ANKRD18B: variants seen among roughly 807,000 people sequenced by gnomAD.
ANKRD18B encodes the protein ankyrin repeat domain-containing protein 18B.
In ANKRD18B, 75 loss-of-function variants were observed where a neutral mutation model predicts 111.8. The ratio of observed to expected loss-of-function variants is 0.67; its 90% confidence interval spans 0.56 to 0.81. The LOEUF (loss-of-function observed/expected upper bound fraction) is 0.81. Ranked by LOEUF, ANKRD18B falls within the 40% of genes least tolerant of loss-of-function variation. The probability of loss-of-function intolerance (pLI) is 0.00; values close to 1 mark genes in which losing one functional copy is unlikely to be tolerated. For synonymous variants in ANKRD18B, 356 were observed against 417.3 expected, an observed-to-expected ratio of 0.85 and a Z score of 1.79; for missense variants, 1,038 against 1,225.5, an observed-to-expected ratio of 0.85 and a Z score of 2.28.
At chr9:33,548,996 T>C (rs1403550055) in intron 11 of ANKRD18B, 141 bp downstream of exon 11, 7 of 956,900 alleles carry the variant, frequency 7.3e-6, no homozygotes, top group East Asian at 3.0e-5. Context: ...ACATGAATCA[T>C]CCAGGAAATA....
intron 11 of ANKRD18B, among the ~76,000 whole-genome samples, chr9:33,549,898 G>C (rs948740991): frequency 1.3e-5 from 2 of 152,098 alleles, no homozygotes; most frequent in African/African-American, 4.8e-5. Flanking sequence ...CTATCATTTG[G>C]ATATAATTCT....
intron 14 of ANKRD18B, among the ~76,000 whole-genome samples, chr9:33,565,912 T>G (rs1246408629): frequency 6.6e-6 from 1 of 152,186 alleles, no homozygotes; most frequent in Non-Finnish European, 1.5e-5. Flanking sequence ...TAGACACTTT[T>G]TACTAAGAGA....
At chr9:33,529,922 C>A (rs1308190513) in intron 3 of ANKRD18B, among the ~76,000 whole-genome samples, 3 of 152,166 alleles carry the variant, frequency 2.0e-5, no homozygotes, top group Non-Finnish European at 2.9e-5. Flanking sequence ...CCGGCAAAAA[C>A]AGCCACTTAG....
At position 33,528,754 on chromosome 9, in the gene ANKRD18B, T is replaced by C. The variant is rs1563898141; in HGVS notation, c.234T>C (p.His78=). The change falls in exon 2 of 19, where the codon CAT becomes CAC. Residue 78 remains histidine (H), a synonymous_variant. Coordinates refer to ENST00000684830, the MANE Select transcript of ANKRD18B (RefSeq NM_001393611.1). Reference sequence around the variant, plus strand: ...CTGTTCTACATTTGGCCTGTGCCCATGGCCGTGTGCAAGTGGTCACTCTCT... The same window carrying C: ...CTGTTCTACATTTGGCCTGTGCCCACGGCCGTGTGCAAGTGGTCACTCTCT... ...DRTVLHLACA[H]GRVQVVTLLL... is the part of the protein sequence containing the mutation. 1 of 1,613,200 alleles carries C rather than the reference T, an allele frequency of 6.2e-7. No individual in the cohort carries two copies. The highest frequency in any genetic ancestry group is 2.2e-5 in the East Asian group (1 of 44,884).
intron 18 of ANKRD18B, chr9:33,571,974 G>A (rs1327963157): frequency 4.5e-6 from 1 of 223,840 alleles, no homozygotes; most frequent in Non-Finnish European, 8.8e-6. Flanking sequence ...TGATATCTAT[G>A]ACTCTATATG....
At chr9:33,548,939 A>C (rs185782694) in intron 11 of ANKRD18B, 84 bp downstream of exon 11, 1 of 1,237,022 alleles carries the variant, frequency 8.1e-7, no homozygotes, top group East Asian at 2.7e-5. Flanking sequence ...GTTCAATATA[A>C]AAATAAATAG....
downstream of ANKRD18B, chr9:33,574,651 G>C (rs1828834610): frequency 6.5e-6 from 1 of 152,696 alleles, no homozygotes; most frequent in East Asian, 1.9e-4. Flanking sequence ...CCTGGGCCCT[G>C]GTGGTGACAG....
chr9:33,529,376 T>C (rs534407926), intron 3 of ANKRD18B, among the ~76,000 whole-genome samples: 5 of 152,336 alleles, frequency 3.3e-5, no homozygotes, highest in African/African-American at 9.6e-5. Flanking sequence ...ATGGGAAGTA[T>C]TTGTGAATTT....
chr9:33,543,220 G>A lies in ANKRD18B; in HGVS notation c.1114G>A (p.Glu372Lys), dbSNP rs758373930. Reference protein sequence around the residue: ...NLKVASEEKQERLERSENKQP... With the variant: ...NLKVASEEKQKRLERSENKQP... ...AAAAGTGGCTTCAGAGGAAAAGCAA[G>A]AAAGGCTTGAAAGAAGTGAAAATAA... Residue 372 changes from glutamate to lysine, a missense_variant, in exon 10 of 19, where the codon GAA becomes AAA. This residue lies in a region of ANKRD18B where 205 missense variants were observed against 201.3 expected (regional missense o/e 1.02). Coordinates refer to ENST00000684830, the MANE Select transcript of ANKRD18B (RefSeq NM_001393611.1). The A allele has an allele frequency of 4.5e-6, 7 of 1,552,752 alleles. No individual in the cohort carries two copies. In the East Asian group the frequency reaches 1.2e-4, roughly 27 times the overall value.
chr9:33,536,347 C>G (rs1371053133), intron 5 of ANKRD18B, among the ~76,000 whole-genome samples: 1 of 152,168 alleles, frequency 6.6e-6, no homozygotes, highest in Non-Finnish European at 1.5e-5. Flanking sequence ...CTGTGACATT[C>G]AAATATTAGA....
At chr9:33,559,460 C>A (rs1447049783) in intron 14 of ANKRD18B, among the ~76,000 whole-genome samples, 1 of 151,940 alleles carries the variant, frequency 6.6e-6, no homozygotes, top group Non-Finnish European at 1.5e-5. Context: ...AGAAAGTAAA[C>A]CACATTATAA....
intron 10 of ANKRD18B, among the ~76,000 whole-genome samples, chr9:33,546,973 A>G (rs1447351238): frequency 6.6e-6 from 1 of 152,098 alleles, no homozygotes; most frequent in Non-Finnish European, 1.5e-5. Context: ...TGGTTCCTCT[A>G]TTTCAGTGAG....
At chr9:33,543,536 G>A (rs1828311171) in intron 10 of ANKRD18B, among the ~76,000 whole-genome samples, 1 of 147,462 alleles carries the variant, frequency 6.8e-6, no homozygotes, top group Non-Finnish European at 1.5e-5. Flanking sequence ...GATAAAGAAG[G>A]TAACATCAAA....
chr9:33,566,317 A>T lies in ANKRD18B; in HGVS notation c.2559A>T (p.Gly853=). Residue 853 remains glycine (G), a synonymous_variant, in exon 15 of 19, where the codon GGA becomes GGT. Transcript: ENST00000684830. ...TTCATCAGGAGTTATTATCTATGGGAAAAGTACAAGAGAAATGTGAAAAAC... is the reference window on the plus strand; with the variant it reads ...TTCATCAGGAGTTATTATCTATGGGTAAAGTACAAGAGAAATGTGAAAAAC... The part of the protein sequence containing the change: ...EVLHQELLSM[G]KVQEKCEKLE... The T allele has an allele frequency of 6.4e-7, 1 of 1,563,346 alleles. No homozygotes were observed. Among genetic ancestry groups the T allele is most frequent in the Non-Finnish European group, 8.7e-7 (1 of 1,151,348 alleles).
At chr9:33,537,876 T>C (rs1454049749) in intron 6 of ANKRD18B, among the ~76,000 whole-genome samples, 1 of 152,202 alleles carries the variant, frequency 6.6e-6, no homozygotes, top group Non-Finnish European at 1.5e-5. Context: ...GAAGCTGTTA[T>C]AAAGAAAATC....
At chr9:33,566,576 G>A (rs1261917028) in intron 15 of ANKRD18B, 76 bp downstream of exon 15, 2 of 1,505,916 alleles carry the variant, frequency 1.3e-6, no homozygotes, top group Non-Finnish European at 8.9e-7. Flanking sequence ...TTTTGGATGT[G>A]TATATATTGT....
chr9:33,548,089 C>A lies in ANKRD18B; in HGVS notation c.1301C>A (p.Thr434Lys). The change falls in exon 11 of 19, where the codon ACA becomes AAA. Residue 434 changes from threonine to lysine, a missense_variant. By Grantham distance (78) the Thr-to-Lys change is moderately conservative. This residue lies in a region of ANKRD18B where 205 missense variants were observed against 201.3 expected (regional missense o/e 1.02). Transcript: ENST00000684830. ...KKYIQEIKSI[T>K]EINANFEKSV... is the part of the protein sequence containing the mutation. The stretch of plus-strand genomic sequence containing the variant: ...TATATTCAGGAAATTAAAAGTATTA[C>A]AGAAATAAATGCTAACTTTGAAAAG... The A allele has an allele frequency of 6.5e-7, 1 of 1,533,474 alleles. No individual in the cohort carries two copies. The highest frequency in any genetic ancestry group is 1.3e-5 in the South Asian group (1 of 78,934). 95.0% of individuals were successfully genotyped at this position (1,533,474 alleles called of 1,614,324 possible).
intron 13 of ANKRD18B, 92 bp from the exon 14 acceptor site, chr9:33,557,966 C>G (rs576848473): frequency 1.8e-5 from 22 of 1,196,342 alleles, no homozygotes; most frequent in Non-Finnish European, 2.5e-5. Context: ...AGATTTGTTT[C>G]TTTGATATGC....
Position 33,548,431 on chromosome 9 carries a change from A to G in ANKRD18B, c.1643A>G (p.His548Arg), listed in dbSNP as rs1251565053. The G allele has an allele frequency of 2.2e-5, 34 of 1,551,228 alleles. No homozygotes were observed. Among genetic ancestry groups the G allele is most frequent in the East Asian group, 2.4e-5 (1 of 40,932 alleles). ...AATGAGTTGCTTACTGAACAGGTCC[A>G]TAAAGCTCGGGTGAAGTTCAATACC... ...DKNELLTEQV[H>R]KARVKFNTLK... The change falls in exon 11 of 19, where the codon CAT becomes CGT. Residue 548 changes from histidine (H) to arginine (R), a missense_variant. This residue lies in a region of ANKRD18B where 524 missense variants were observed against 677.9 expected (regional missense o/e 0.77). Transcript: ENST00000684830.
Sources: allele counts gnomAD v4.1 joint callset (sites outside exome capture counted in the v4.1 genomes callset), GRCh38; gene constraint gnomAD v4.1.1; regional missense constraint gnomAD v4.1.1; transcripts MANE v1.5; gene names NCBI Gene and HGNC (gene_info 2026-07-23, HGNC 2026-07-21).